Variants in ANKRD30B observed in about 807,000 individuals in gnomAD.
ANKRD30B encodes the protein ankyrin repeat domain-containing protein 30B.
A neutral mutation model predicts 202.2 loss-of-function variants in ANKRD30B; 144 were observed. That is an observed-to-expected ratio of 0.71 (90% confidence interval 0.62 to 0.82). The LOEUF (loss-of-function observed/expected upper bound fraction) is 0.82. Ranked by LOEUF, ANKRD30B falls within the 40% of genes least tolerant of loss-of-function variation. The pLI, the probability that ANKRD30B is intolerant of heterozygous loss-of-function variation, is 0.00. For synonymous variants in ANKRD30B, 508 were observed against 561.3 expected (o/e 0.91, Z 1.34); for missense variants, 1,487 against 1,669.1 (o/e 0.89, Z 1.90).
the ANKRD30B span, among the ~76,000 whole-genome samples, chr18:14,933,786 A>T: frequency 6.6e-6 from 1 of 152,096 alleles, no homozygotes; most frequent in African/African-American, 2.4e-5. Flanking sequence ...GCGCATTGAG[A>T]CCTGAGGCAT....
chr18:14,940,447 C>T, the ANKRD30B span, among the ~76,000 whole-genome samples: 6 of 152,080 alleles, frequency 3.9e-5, no homozygotes, highest in Admixed American at 2.0e-4. Context: ...CATGTGGACA[C>T]ACAGCAAGTC....
chr18:14,798,012 T>C (rs1374087587), intron 20 of ANKRD30B, among the ~76,000 whole-genome samples, 158 bp downstream of exon 20: 1 of 152,176 alleles, frequency 6.6e-6, no homozygotes, highest in Non-Finnish European at 1.5e-5. Context: ...TGAGAAAATG[T>C]CATTTAGAAG....
the ANKRD30B span, among the ~76,000 whole-genome samples, chr18:14,878,234 G>T: frequency 5.3e-5 from 8 of 152,170 alleles, no homozygotes; most frequent in African/African-American, 1.9e-4. Context: ...TAGTAGTGCA[G>T]TGTGAAACAT....
chr18:14,876,514 C>T, the ANKRD30B span, among the ~76,000 whole-genome samples: 2 of 152,146 alleles, frequency 1.3e-5, no homozygotes, highest in Non-Finnish European at 2.9e-5. Flanking sequence ...TCATGGGGGT[C>T]TTAAATTCTT....
the ANKRD30B span, among the ~76,000 whole-genome samples, chr18:14,873,696 T>C: frequency 6.6e-6 from 1 of 151,994 alleles, no homozygotes; most frequent in Non-Finnish European, 1.5e-5. Context: ...TGAATGAGAT[T>C]AAGTCCTGTA....
intron 30 of ANKRD30B, among the ~76,000 whole-genome samples, chr18:14,821,200 G>A (rs1342783018): frequency 2.6e-5 from 4 of 151,990 alleles, no homozygotes; most frequent in Admixed American, 6.6e-5. Context: ...CTGTGGGATC[G>A]GTGGTGATAT....
intron 1 of ANKRD30B, among the ~76,000 whole-genome samples, chr18:14,750,682 T>G (rs188378991): frequency 2.0e-5 from 3 of 152,258 alleles, no homozygotes; most frequent in African/African-American, 7.2e-5. Flanking sequence ...ATCCATTTAA[T>G]GGCTTTTATA....
chr18:14,783,650 A>G (rs1306083669), intron 12 of ANKRD30B, among the ~76,000 whole-genome samples: 1 of 152,114 alleles, frequency 6.6e-6, no homozygotes. Flanking sequence ...ATAAAAAGTT[A>G]TTTATGTTTA....
intron 1 of ANKRD30B, among the ~76,000 whole-genome samples, 183 bp downstream of exon 1, chr18:14,748,823 T>G (rs1598551654): frequency 6.6e-6 from 1 of 152,122 alleles, no homozygotes; most frequent in Non-Finnish European, 1.5e-5. Context: ...CCCCCAGGCC[T>G]GGGATGGGGG....
the ANKRD30B span, among the ~76,000 whole-genome samples, chr18:14,894,175 T>A: frequency 6.6e-6 from 1 of 151,798 alleles, no homozygotes; most frequent in Non-Finnish European, 1.5e-5. Context: ...TTATCTAAAC[T>A]TTTTTTTCTG....
intron 12 of ANKRD30B, among the ~76,000 whole-genome samples, chr18:14,783,335 G>T (rs190229506): frequency 6.6e-6 from 1 of 152,274 alleles, no homozygotes; most frequent in Admixed American, 6.5e-5. Flanking sequence ...GCTGATGTCA[G>T]TGGTCCTTGG....
rs533091863 is a variant in ANKRD30B at position 14,800,296 on chromosome 18, G to A, written c.2131+1001G>A. On this transcript the variant is annotated intron_variant, in intron 22 of 43. Transcript: ENST00000690538. ...GACTATGTGTAGAATTTGTTTTGACGTCTTAAATTTTCTTTTTTTTTTAAA... is the reference window on the plus strand; with the variant it reads ...GACTATGTGTAGAATTTGTTTTGACATCTTAAATTTTCTTTTTTTTTTAAA... Among the ~76,000 whole-genome samples, 623 of 150,074 alleles carry A rather than the reference G, an allele frequency of 4.2e-3. 6 individuals carry two copies. The highest frequency in any genetic ancestry group is 6.7e-3 in the Non-Finnish European group (456 of 67,830).
chr18:14,761,343 G>A (rs1369034180), intron 6 of ANKRD30B, among the ~76,000 whole-genome samples: 3 of 152,184 alleles, frequency 2.0e-5, no homozygotes, highest in Non-Finnish European at 2.9e-5. Flanking sequence ...ACCCTGGCAA[G>A]CTGGCCCTGT....
At position 14,766,472 on chromosome 18, in the gene ANKRD30B, CAAAAAAAAAAA is replaced by C. The variant is rs1168681924; in HGVS notation, c.1225+2397_1225+2407del. Among the ~76,000 whole-genome samples the C allele has an allele frequency of 2.9e-3, 164 of 55,618 alleles. 1 individual carries two copies. The highest frequency in any genetic ancestry group is 0.01 in the African/African-American group (157 of 14,960). The allele number at this position is 55,618 out of a possible 152,430, so 36.5% of individuals were successfully genotyped here. On this transcript the variant is annotated intron_variant, in intron 7 of 43. Coordinates refer to ENST00000690538, the MANE Select transcript of ANKRD30B (RefSeq NM_001367607.2). ...TGGGTGACAGAGCGAGACTCCATCT[CAAAAAAAAAAA>C]AAAAAAAAAAAAAAGAAAAGAAAAG...
At chr18:14,904,631 T>C in the ANKRD30B span, among the ~76,000 whole-genome samples, 78,205 of 151,954 alleles carry the variant, frequency 0.51, 20,390 homozygotes, top group African/African-American at 0.54. Flanking sequence ...CCCCATCTCA[T>C]CTGATTCCTC....
chr18:14,817,970 T>G (rs1970205059), intron 30 of ANKRD30B, among the ~76,000 whole-genome samples: 1 of 152,166 alleles, frequency 6.6e-6, no homozygotes. Flanking sequence ...CCCTGAAGTG[T>G]CTTCATTATT....
intron 36 of ANKRD30B, among the ~76,000 whole-genome samples, chr18:14,839,496 C>T (rs1047328231): frequency 2.6e-5 from 4 of 152,150 alleles, no homozygotes; most frequent in East Asian, 1.9e-4. Flanking sequence ...CCAATGTCAT[C>T]GTCATCCTCA....
chr18:14,883,263 T>A, the ANKRD30B span, among the ~76,000 whole-genome samples: 1 of 151,682 alleles, frequency 6.6e-6, no homozygotes, highest in Non-Finnish European at 1.5e-5. Context: ...AAAATACCAC[T>A]GCATGGGCCA....
At chr18:14,863,165 A>G in the ANKRD30B span, among the ~76,000 whole-genome samples, 2 of 152,220 alleles carry the variant, frequency 1.3e-5, no homozygotes, top group Admixed American at 6.5e-5. Context: ...TGAGAAGGAC[A>G]TGAGATTTGG....
Sources: allele counts gnomAD v4.1 joint callset (sites outside exome capture counted in the v4.1 genomes callset), GRCh38; gene constraint gnomAD v4.1.1; transcripts MANE v1.5; gene names NCBI Gene and HGNC (gene_info 2026-07-23, HGNC 2026-07-21).